The following SALL2 variants were observed in gnomAD, a reference collection of about 807,000 sequenced individuals.
SALL2 encodes sal-like protein 2.
SALL2 carries 32 observed loss-of-function variants against 58.5 expected under a neutral mutation model. That is an observed-to-expected ratio of 0.55 (90% CI 0.41 to 0.74). The LOEUF (loss-of-function observed/expected upper bound fraction) is 0.74, where lower values mean the gene tolerates loss of function less well. Among genes scored for constraint, SALL2 ranks in the 30% least tolerant of loss-of-function variants. The pLI, the probability that SALL2 is intolerant of heterozygous loss-of-function variation, is 0.00. For missense variants in SALL2, 1,201 were observed against 1,268.9 expected, an observed-to-expected ratio of 0.95 and a Z score of 0.81; for synonymous variants, 516 against 513.6, an observed-to-expected ratio of 1.00 and a Z score of -0.06.
Position 21,526,146 on chromosome 14 carries a change from G to C in SALL2, c.-19C>G. On this transcript the variant is annotated 5_prime_UTR_variant, in exon 1 of 2. Transcript: ENST00000537235. ...GCGCCATGGTTGTGGGGGAAGTGGA[G>C]GGCCAGGTGGGGTGGGAGACAATGG... 5.8e-6 allele frequency: 9 copies of C among 1,539,372 alleles called. No individual in the cohort carries two copies. The highest frequency in any genetic ancestry group is 7.8e-6 in the Non-Finnish European group (9 of 1,148,936).
Position 21,526,046 on chromosome 14 carries a change from C to G in SALL2, c.67+15G>C. The G allele has an allele frequency of 1.3e-5, 20 of 1,532,438 alleles. No homozygotes were observed. Among genetic ancestry groups the G allele is most frequent in the Non-Finnish European group, 1.7e-5 (20 of 1,143,838 alleles). The allele number at this position is 1,532,438 out of a possible 1,614,324, so 94.9% of individuals were successfully genotyped here. On this transcript the variant is annotated intron_variant, in intron 1 of 1. Transcript: ENST00000537235. ...CCGCCCCCACCCCTGCCCAGCCCGA[C>G]CGACCCTACCGCACCTCCGAGCTCT...
Position 21,523,131 on chromosome 14 carries a change from C to A in SALL2, c.2591G>T (p.Gly864Val). 6.2e-7 allele frequency: 1 copy of A among 1,614,176 alleles called. No homozygotes were observed. Among genetic ancestry groups the A allele is most frequent in the South Asian group, 1.1e-5 (1 of 91,074 alleles). The change falls in exon 2 of 2, where the codon GGG becomes GTG. Residue 864 changes from glycine to valine, a missense_variant. Gly to Val is a moderately radical substitution (Grantham distance 109). Transcript: ENST00000537235. The surrounding 1 kb of genome is among the most constrained non-coding windows in gnomAD (Gnocchi z 4.4). ...SSGVLGGKEE[G>V]GKPERSSSPA... is the part of the protein sequence containing the mutation. ...ACTTGAGCTTCTCTCCGGTTTGCCC[C>A]CCTCTTCCTTGCCTCCTAAAACACC...
At chr14:21,528,552 G>A (rs1169076303), upstream of SALL2, among the ~76,000 whole-genome samples, 1 of 152,084 alleles carries the variant, frequency 6.6e-6, no homozygotes, top group Non-Finnish European at 1.5e-5. Context: ...TGAAATGGAC[G>A]GGTTCTGTGC....
intron 1 of SALL2, among the ~76,000 whole-genome samples, chr14:21,533,043 G>A (rs7147978): frequency 0.42 from 64,421 of 151,764 alleles, 13,904 homozygotes; most frequent in Middle Eastern, 0.51. Flanking sequence ...ATGCAAAAAG[G>A]GCCTAGCACA....
At position 21,524,288 on chromosome 14, in the gene SALL2, G is replaced by A. The variant is rs1248046936; in HGVS notation, c.1434C>T (p.Ser478=). 3 of 1,613,846 alleles carry A rather than the reference G, an allele frequency of 1.9e-6. No homozygotes were observed. The highest frequency in any genetic ancestry group is 2.5e-6 in the Non-Finnish European group (3 of 1,179,948). Residue 478 remains serine (S), a synonymous_variant, in exon 2 of 2, where the codon TCC becomes TCT. Transcript: ENST00000537235. ...TCTCTGTGGCACTGAGTGCTGTTGT[G>A]GAGGCCACCAGAGGCTTGCGCTCAA... is the stretch of plus-strand genomic sequence containing the variant. The part of the protein sequence containing the change: ...GGVERKPLVA[S]TTALSATESL...
upstream of SALL2, among the ~76,000 whole-genome samples, chr14:21,531,001 T>G (rs1892447159): frequency 6.6e-6 from 1 of 152,182 alleles, no homozygotes; most frequent in South Asian, 2.1e-4. Flanking sequence ...GACTACTTCT[T>G]AGGGAAATAT....
chr14:21,523,718 G>A lies in SALL2; in HGVS notation c.2004C>T (p.Thr668=). 1 of 1,614,204 alleles carries A rather than the reference G, an allele frequency of 6.2e-7. No individual in the cohort carries two copies. The highest frequency in any genetic ancestry group is 8.5e-7 in the Non-Finnish European group (1 of 1,180,038). ...CGAAATGTGCACGCAGATTACCCCTGGTGGAGAAGGCTCTGCCACACACTT... is the reference window on the plus strand; with the variant it reads ...CGAAATGTGCACGCAGATTACCCCTAGTGGAGAAGGCTCTGCCACACACTT... The part of the protein sequence containing the change: ...KCKVCGRAFS[T]RGNLRAHFVG... The change falls in exon 2 of 2, where the codon ACC becomes ACT. Residue 668 remains threonine (T), a synonymous_variant. Coordinates refer to ENST00000537235, the MANE Select transcript of SALL2 (RefSeq NM_001364564.1). This position sits in a 1 kb window ranked among gnomAD's most constrained non-coding sequence, Gnocchi z 4.4.
chr14:21,525,945 G>T lies in SALL2; in HGVS notation c.67+116C>A. 9.6e-7 allele frequency: 1 copy of T among 1,047,052 alleles called. No individual in the cohort carries two copies. Among genetic ancestry groups the T allele is most frequent in the Non-Finnish European group, 1.4e-6 (1 of 706,900 alleles). 64.9% of individuals were successfully genotyped at this position (1,047,052 alleles called of 1,614,324 possible). On this transcript the variant is annotated intron_variant, in intron 1 of 1. Transcript: ENST00000537235. This position sits in a 1 kb window ranked among gnomAD's most constrained non-coding sequence, Gnocchi z 4.4. Reference sequence around the variant, plus strand: ...AAGCGAGTTCACGGAATAGGTGTGGGGACAGGGGCCTACGCAGAGAATCAT... The same window carrying T: ...AAGCGAGTTCACGGAATAGGTGTGGTGACAGGGGCCTACGCAGAGAATCAT...
chr14:21,526,515 G>A (rs867578533), upstream of SALL2: 1 of 1,163,014 alleles, frequency 8.6e-7, no homozygotes, highest in South Asian at 2.1e-5. Context: ...CACTGCGGGG[G>A]TCCACCTTTC....
At chr14:21,527,013 G>T (rs905923981), upstream of SALL2, among the ~76,000 whole-genome samples, 1 of 151,906 alleles carries the variant, frequency 6.6e-6, no homozygotes, top group South Asian at 2.1e-4. Context: ...TCCGCAGATC[G>T]CCCAGCCTAC....
rs1566513612 is a variant in SALL2 at position 21,526,041 on chromosome 14, C to CCCGACCGACCCTACCGCACCT, written c.66_67+19dup. On this transcript the variant is annotated intron_variant, in intron 1 of 1. Coordinates refer to ENST00000537235, the MANE Select transcript of SALL2 (RefSeq NM_001364564.1). ...CCCCTCCGCCCCCACCCCTGCCCAG[C>CCCGACCGACCCTACCGCACCT]CCGACCGACCCTACCGCACCTCCGA... 6.5e-7 allele frequency: 1 copy of CCCGACCGACCCTACCGCACCT among 1,532,794 alleles called. No individual in the cohort carries two copies. Among genetic ancestry groups the CCCGACCGACCCTACCGCACCT allele is most frequent in the East Asian group, 2.4e-5 (1 of 40,898 alleles). 94.9% of individuals were successfully genotyped at this position (1,532,794 alleles called of 1,614,324 possible).
At chr14:21,526,023 G>GCCCCCCCCCCCCC in intron 1 of SALL2, 38 bp downstream of exon 1, 4 of 898,716 alleles carry the variant, frequency 4.5e-6, no homozygotes, top group Non-Finnish European at 6.9e-6. Flanking sequence ...ATCCCCCTCC[G>GCCCCCCCCCCCCC]CCCCCACCCC....
At chr14:21,533,955 C>A (rs1892529449) in intron 1 of SALL2, among the ~76,000 whole-genome samples, 1 of 152,116 alleles carries the variant, frequency 6.6e-6, no homozygotes, top group African/African-American at 2.4e-5. Context: ...GATACATGTG[C>A]CCCTAAATAA....
In SALL2 at chr14:21,522,010, AC is replaced by A; in HGVS notation, c.*693del. ...AGGAAGAAGGAATGTACAGTTTGCT[AC>A]TTCTTGTCTATGATGGGCTTCTCAG... On this transcript the variant is annotated 3_prime_UTR_variant, in exon 2 of 2. Coordinates refer to ENST00000537235, the MANE Select transcript of SALL2 (RefSeq NM_001364564.1). 2 of 1,583,282 alleles carry A rather than the reference AC, an allele frequency of 1.3e-6. No homozygotes were observed. The highest frequency in any genetic ancestry group is 1.7e-6 in the Non-Finnish European group (2 of 1,171,954).
At chr14:21,527,418 T>TA (rs1892351737), upstream of SALL2, among the ~76,000 whole-genome samples, 1 of 152,116 alleles carries the variant, frequency 6.6e-6, no homozygotes, top group Non-Finnish European at 1.5e-5. Context: ...AAATGAGTCT[T>TA]AAAGTGCTTC....
At chr14:21,529,641 A>AG (rs1226778568), upstream of SALL2, among the ~76,000 whole-genome samples, 1 of 150,880 alleles carries the variant, frequency 6.6e-6, no homozygotes, top group Non-Finnish European at 1.5e-5. Context: ...AAAAAAAAGA[A>AG]GAAAAAAAAA....
At position 21,522,579 on chromosome 14, in the gene SALL2, T is replaced by C; in HGVS notation, c.*125A>G. ...AGCTCAGGGACTACAGAAAAGCCAC[T>C]AGGGACATAACATGTTAAGAACTTA... is the stretch of plus-strand genomic sequence containing the variant. On this transcript the variant is annotated 3_prime_UTR_variant, in exon 2 of 2. Transcript: ENST00000537235. 1 of 1,422,672 alleles carries C rather than the reference T, an allele frequency of 7.0e-7. No homozygotes were observed. Among genetic ancestry groups the C allele is most frequent in the South Asian group, 1.8e-5 (1 of 56,906 alleles). The allele number at this position is 1,422,672 out of a possible 1,614,324, so 88.1% of individuals were successfully genotyped here.
intron 1 of SALL2, among the ~76,000 whole-genome samples, chr14:21,533,867 T>C (rs900185029): frequency 3.3e-5 from 5 of 152,266 alleles, no homozygotes; most frequent in African/African-American, 1.2e-4. Flanking sequence ...CCTGGAAACA[T>C]TACTGGCACC....
chr14:21,531,842 G>C (rs993616745), intron 1 of SALL2, among the ~76,000 whole-genome samples: 3 of 151,874 alleles, frequency 2.0e-5, no homozygotes, highest in African/African-American at 7.2e-5. Flanking sequence ...CGATTTTCCT[G>C]CCTCAGCCTC....
Sources: allele counts gnomAD v4.1 joint callset (sites outside exome capture counted in the v4.1 genomes callset), GRCh38; gene constraint gnomAD v4.1.1; non-coding constraint Gnocchi (gnomAD v3.1); transcripts MANE v1.5; gene names NCBI Gene and HGNC (gene_info 2026-07-23, HGNC 2026-07-21).